The following ARHGAP28 variants were observed in gnomAD, a reference collection of about 807,000 sequenced individuals.
ARHGAP28 encodes Rho GTPase activating protein 28, also known as rho GTPase-activating protein 28.
ARHGAP28 carries 56 observed loss-of-function variants against 90.7 expected under a neutral mutation model. The observed-to-expected ratio is 0.62, with a 90% confidence interval of 0.50 to 0.77. The LOEUF (loss-of-function observed/expected upper bound fraction) is 0.77, where lower values mean the gene tolerates loss of function less well. Ranked by LOEUF, ARHGAP28 falls within the 30% of genes least tolerant of loss-of-function variation. The probability of loss-of-function intolerance (pLI) is 0.00; values close to 1 mark genes in which losing one functional copy is unlikely to be tolerated. For synonymous variants in ARHGAP28, 308 were observed against 323.3 expected, an observed-to-expected ratio of 0.95 and a Z score of 0.51; for missense variants, 869 against 900.9, an observed-to-expected ratio of 0.96 and a Z score of 0.45.
At chr18:6,879,866 A>G (rs141712983) in intron 10 of ARHGAP28, among the ~76,000 whole-genome samples, 3 of 151,120 alleles carry the variant, frequency 2.0e-5, no homozygotes, top group Non-Finnish European at 4.4e-5. Flanking sequence ...TGAAGCACAG[A>G]CCATAACCTA....
At chr18:6,797,742 A>G (rs531263975) in intron 1 of ARHGAP28, among the ~76,000 whole-genome samples, 26 of 151,986 alleles carry the variant, frequency 1.7e-4, no homozygotes, top group Non-Finnish European at 3.4e-4. Context: ...CCTCACTGCA[A>G]ACTCCGCCTC....
intron 16 of ARHGAP28, among the ~76,000 whole-genome samples, chr18:6,901,555 AAAC>A: frequency 6.6e-6 from 1 of 152,032 alleles, no homozygotes; most frequent in Non-Finnish European, 1.5e-5. Flanking sequence ...AAAAAAAAAA[AAAC>A]AGCCCTTTAT....
chr18:6,840,744 C>T (rs897646199), intron 3 of ARHGAP28, among the ~76,000 whole-genome samples: 2 of 152,144 alleles, frequency 1.3e-5, no homozygotes, highest in African/African-American at 4.8e-5. Flanking sequence ...AGTGGGTGGG[C>T]ACAGGAGAAA....
chr18:6,739,855 C>CTTTTT (rs145660239), intron 1 of ARHGAP28, among the ~76,000 whole-genome samples: 1 of 134,822 alleles, frequency 7.4e-6, no homozygotes, highest in African/African-American at 2.7e-5. Flanking sequence ...CATAAGAATT[C>CTTTTT]TTTTTTTTTT....
rs2057250636 is a variant in ARHGAP28 at position 6,889,869 on chromosome 18, C to T, written c.1537-19C>T. The T allele has an allele frequency of 1.1e-5, 17 of 1,611,676 alleles. 1 individual carries two copies. In the East Asian group the frequency reaches 3.8e-4, roughly 36 times the overall value. ...TTTGACAGTGTACAATTGTATGACACAATGCTGTTTCTTCTTAGGCCCTCA... is the reference window on the plus strand; with the variant it reads ...TTTGACAGTGTACAATTGTATGACATAATGCTGTTTCTTCTTAGGCCCTCA... On this transcript the variant is annotated intron_variant, in intron 12 of 17. Transcript: ENST00000383472.
intron 1 of ARHGAP28, among the ~76,000 whole-genome samples, chr18:6,786,660 A>T (rs2056367171): frequency 6.6e-6 from 1 of 152,182 alleles, no homozygotes; most frequent in Admixed American, 6.5e-5. Flanking sequence ...ATAAGATTGT[A>T]CCATTTAAAA....
chr18:6,844,628 T>C (rs1460551994), intron 3 of ARHGAP28, among the ~76,000 whole-genome samples: 2 of 152,178 alleles, frequency 1.3e-5, no homozygotes, highest in East Asian at 3.8e-4. Context: ...TTTTTTTCAA[T>C]AGCCAGATGA....
At chr18:6,760,300 A>G (rs2056148657) in intron 1 of ARHGAP28, among the ~76,000 whole-genome samples, 1 of 152,212 alleles carries the variant, frequency 6.6e-6, no homozygotes, top group South Asian at 2.1e-4. Flanking sequence ...AAGAAGTATA[A>G]TTTGTAGGAG....
At chr18:6,761,345 G>A (rs1483808863) in intron 1 of ARHGAP28, among the ~76,000 whole-genome samples, 6 of 152,242 alleles carry the variant, frequency 3.9e-5, no homozygotes, top group Admixed American at 3.9e-4. Flanking sequence ...GTTTTTAAAG[G>A]CATGTGCATT....
rs189174916 is a variant in ARHGAP28, at chr18:6,913,647, A to G, written c.*1493A>G. 1.3e-5 allele frequency: 2 copies of G among 152,284 alleles called. No homozygotes were observed. Among genetic ancestry groups the G allele is most frequent in the Admixed American group, 1.3e-4 (2 of 15,300 alleles). 9.4% of individuals were successfully genotyped at this position (152,284 alleles called of 1,614,324 possible). A position where few individuals can be genotyped will look rare whatever the true frequency, so the allele number is the denominator to read the frequency against. ...ATACTATTATTACACCTTGATATCTATACAAAACATCACTTGTATTAAAAT... is the reference window on the plus strand; with the variant it reads ...ATACTATTATTACACCTTGATATCTGTACAAAACATCACTTGTATTAAAAT... On this transcript the variant is annotated 3_prime_UTR_variant, in exon 18 of 18. Coordinates refer to ENST00000383472, the MANE Select transcript of ARHGAP28 (RefSeq NM_001366230.1).
chr18:6,905,180 C>G (rs2057358678), intron 16 of ARHGAP28, among the ~76,000 whole-genome samples: 1 of 151,848 alleles, frequency 6.6e-6, no homozygotes, highest in South Asian at 2.1e-4. Context: ...AGCAAAATAG[C>G]TAATCTAACC....
intron 10 of ARHGAP28, among the ~76,000 whole-genome samples, chr18:6,880,074 T>G (rs909092168): frequency 6.6e-6 from 1 of 152,178 alleles, no homozygotes; most frequent in Non-Finnish European, 1.5e-5. Context: ...GTGCTTCCTG[T>G]GCACTTGGAA....
At chr18:6,854,478 A>T (rs1156882409) in intron 4 of ARHGAP28, among the ~76,000 whole-genome samples, 1 of 151,852 alleles carries the variant, frequency 6.6e-6, no homozygotes, top group African/African-American at 2.4e-5. Flanking sequence ...GTTGCTGGAT[A>T]TTTTCTTCTA....
intron 4 of ARHGAP28, among the ~76,000 whole-genome samples, chr18:6,851,472 T>C (rs2056910581): frequency 6.6e-6 from 1 of 152,214 alleles, no homozygotes; most frequent in Non-Finnish European, 1.5e-5. Context: ...AACTTTCATA[T>C]ATTGTTGTTA....
intron 9 of ARHGAP28, among the ~76,000 whole-genome samples, chr18:6,875,512 G>A (rs1484561624): frequency 2.6e-5 from 4 of 152,188 alleles, no homozygotes; most frequent in South Asian, 2.1e-4. Context: ...GAATCGAACT[G>A]TTCTCCTTAG....
At chr18:6,767,062 A>T (rs879777360) in intron 1 of ARHGAP28, among the ~76,000 whole-genome samples, 26 of 151,874 alleles carry the variant, frequency 1.7e-4, no homozygotes, top group Non-Finnish European at 3.4e-4. Flanking sequence ...GCCCTCGTTT[A>T]TATTACCTGA....
chr18:6,880,472 T>A (rs1214084866), intron 10 of ARHGAP28, among the ~76,000 whole-genome samples: 2 of 152,234 alleles, frequency 1.3e-5, no homozygotes, highest in African/African-American at 4.8e-5. Flanking sequence ...TTTTTCCATC[T>A]GGCTGTCAGA....
intron 3 of ARHGAP28, among the ~76,000 whole-genome samples, chr18:6,843,588 A>G (rs973132807): frequency 6.6e-5 from 10 of 152,200 alleles, no homozygotes; most frequent in Non-Finnish European, 1.5e-4. Flanking sequence ...GGTCTTTAGA[A>G]CTGCACGTTT....
rs375195248 is a variant in ARHGAP28 at position 6,899,416 on chromosome 18, A to T, written c.2030+2790A>T. ...TGCGGAAACTTCCAACCTGCAACTGACAACAGGCACAGATGAAAAAGAGCT... is the reference window on the plus strand; with the variant it reads ...TGCGGAAACTTCCAACCTGCAACTGTCAACAGGCACAGATGAAAAAGAGCT... On this transcript the variant is annotated intron_variant, in intron 16 of 17. Coordinates refer to ENST00000383472, the MANE Select transcript of ARHGAP28 (RefSeq NM_001366230.1). 3.3e-5 allele frequency among the ~76,000 whole-genome samples: 5 copies of T among 152,290 alleles called. No homozygotes were observed. The East Asian group carries it at 9.7e-4, about 29-fold the overall frequency.
Sources: gnomAD v4.1 joint callset for allele counts (sites outside exome capture counted in the v4.1 genomes callset) on GRCh38, gnomAD v4.1.1 for gene constraint, MANE v1.5 for transcripts, NCBI Gene and HGNC (gene_info 2026-07-23, HGNC 2026-07-21) for gene names.